Variants in KIF6 observed in about 807,000 individuals in gnomAD.
The protein encoded by KIF6 is kinesin family member 6, also known as kinesin-like protein KIF6.
In KIF6, 106 loss-of-function variants were observed where a neutral mutation model predicts 112.7. That is an observed-to-expected ratio of 0.94 (90% CI 0.80 to 1.11). KIF6 has a LOEUF of 1.11. Among genes scored for constraint, KIF6 ranks in the 50% least tolerant of loss-of-function variants. The pLI, the probability that KIF6 is intolerant of heterozygous loss-of-function variation, is 0.00. For missense variants in KIF6, 929 were observed against 964.0 expected, an observed-to-expected ratio of 0.96 and a Z score of 0.48; for synonymous variants, 339 against 339.9, an observed-to-expected ratio of 1.00 and a Z score of 0.03.
At chr6:39,405,572 G>A (rs534616238) in intron 15 of KIF6, among the ~76,000 whole-genome samples, 1 of 152,246 alleles carries the variant, frequency 6.6e-6, no homozygotes, top group South Asian at 2.1e-4. Context: ...ACTTGGTCAT[G>A]GTATATTAGT....
intron 13 of KIF6, among the ~76,000 whole-genome samples, chr6:39,464,001 A>G (rs956689575): frequency 2.0e-5 from 3 of 152,012 alleles, no homozygotes; most frequent in Non-Finnish European, 4.4e-5. Context: ...GTAGGTGTAC[A>G]TATTTATTAC....
At chr6:39,425,210 A>AT (rs1770677482) in intron 14 of KIF6, among the ~76,000 whole-genome samples, 1 of 152,186 alleles carries the variant, frequency 6.6e-6, no homozygotes, top group African/African-American at 2.4e-5. Flanking sequence ...TGGTGGGCCA[A>AT]TATGTGTTTG....
chr6:39,586,294 A>C lies in KIF6; in HGVS notation c.957T>G (p.Ile319Met). 1 of 1,612,952 alleles carries C rather than the reference A, an allele frequency of 6.2e-7. No individual in the cohort carries two copies. The highest frequency in any genetic ancestry group is 8.5e-7 in the Non-Finnish European group (1 of 1,178,948). ...SLGGNCMTTMIATLSLEKRNL... is the reference protein window; with the variant it reads ...SLGGNCMTTMMATLSLEKRNL... ...TCCTTTTCTCCAAGGAGAGTGTTGC[A>C]ATCATAGTTGTCATGCAGTTCCCTC... The change falls in exon 8 of 23, where the codon ATT becomes ATG. Residue 319 changes from isoleucine (I) to methionine (M), a missense_variant. Physicochemically the swap from Ile to Met is conservative, Grantham distance 10 (BLOSUM62 1). This residue lies in a region of KIF6 where 688 missense variants were observed against 662.7 expected (regional missense o/e 1.04). Coordinates refer to ENST00000287152, the MANE Select transcript of KIF6 (RefSeq NM_145027.6).
chr6:39,400,654 G>A (rs1768630985), intron 15 of KIF6, among the ~76,000 whole-genome samples: 1 of 152,252 alleles, frequency 6.6e-6, no homozygotes, highest in South Asian at 2.1e-4. Context: ...GAGAGGGGAA[G>A]AGGGTTGTGG....
chr6:39,463,826 T>A (rs1773626150), intron 13 of KIF6, among the ~76,000 whole-genome samples: 1 of 152,208 alleles, frequency 6.6e-6, no homozygotes, highest in Non-Finnish European at 1.5e-5. Context: ...TATCTTCTGC[T>A]GGCCTTTCAG....
intron 22 of KIF6, among the ~76,000 whole-genome samples, chr6:39,341,082 G>C (rs762857754): frequency 3.9e-5 from 6 of 152,080 alleles, no homozygotes; most frequent in Non-Finnish European, 8.8e-5. Context: ...ATGTCTTAAA[G>C]CATCCCTCTG....
chr6:39,395,867 A>C (rs796922137), intron 15 of KIF6, among the ~76,000 whole-genome samples: 2 of 152,344 alleles, frequency 1.3e-5, no homozygotes, highest in African/African-American at 4.8e-5. Context: ...AAGCACTGAG[A>C]TGTTTGATTT....
At chr6:39,438,101 C>T (rs1771666475) in intron 13 of KIF6, among the ~76,000 whole-genome samples, 2 of 152,048 alleles carry the variant, frequency 1.3e-5, no homozygotes, top group Non-Finnish European at 2.9e-5. Context: ...TCTCAGCCAC[C>T]CGAGTAACAG....
In KIF6 at chr6:39,343,496, C is replaced by A; in HGVS notation, c.2428+213G>T. 1 of 1,495,492 alleles carries A rather than the reference C, an allele frequency of 6.7e-7. No homozygotes were observed. The highest frequency in any genetic ancestry group is 8.9e-7 in the Non-Finnish European group (1 of 1,121,138). The allele number at this position is 1,495,492 out of a possible 1,614,324, so 92.6% of individuals were successfully genotyped here. ...GACAGGAGCACCTGGGCCGCCCACC[C>A]ACTTGGGCCTGTCTTGGTGTTTCTG... On this transcript the variant is annotated intron_variant, in intron 22 of 22. Transcript: ENST00000287152. The surrounding 1 kb of genome is among the most constrained non-coding windows in gnomAD (Gnocchi z 4.1).
chr6:39,679,614 C>CTTTTTT (rs55936243), intron 3 of KIF6, among the ~76,000 whole-genome samples: 4 of 106,478 alleles, frequency 3.8e-5, no homozygotes, highest in African/African-American at 1.3e-4. Flanking sequence ...CTTTTCTTTT[C>CTTTTTT]TTTTTTTTTT....
chr6:39,682,773 T>C (rs1202498232), intron 3 of KIF6, among the ~76,000 whole-genome samples: 1 of 152,090 alleles, frequency 6.6e-6, no homozygotes, highest in Non-Finnish European at 1.5e-5. Context: ...AGAGATGGGG[T>C]TTCACCATGT....
intron 3 of KIF6, among the ~76,000 whole-genome samples, chr6:39,712,124 A>G (rs757419532): frequency 2.0e-5 from 3 of 152,170 alleles, no homozygotes; most frequent in Non-Finnish European, 4.4e-5. Context: ...GCTCCAAATT[A>G]TGGCGATCAT....
intron 3 of KIF6, among the ~76,000 whole-genome samples, chr6:39,656,667 T>G (rs766582925): frequency 6.6e-6 from 1 of 152,224 alleles, no homozygotes; most frequent in Non-Finnish European, 1.5e-5. Flanking sequence ...GTTCTTCCTG[T>G]GTAGAAGGCC....
At chr6:39,415,375 G>T (rs1045274414) in intron 15 of KIF6, among the ~76,000 whole-genome samples, 1 of 147,672 alleles carries the variant, frequency 6.8e-6, no homozygotes, top group South Asian at 2.2e-4. Flanking sequence ...TGTTAAGAGT[G>T]TAAAAACTGT....
intron 15 of KIF6, among the ~76,000 whole-genome samples, chr6:39,387,830 G>A (rs978086050): frequency 6.6e-6 from 1 of 152,182 alleles, no homozygotes; most frequent in Non-Finnish European, 1.5e-5. Flanking sequence ...GCACATGCAT[G>A]CTCCAAATAA....
In KIF6 at chr6:39,378,393, C is replaced by A. The variant is rs1243270965; in HGVS notation, c.1861+7229G>T. Among the ~76,000 whole-genome samples, 1 of 151,930 alleles carries A rather than the reference C, an allele frequency of 6.6e-6. No homozygotes were observed. Among genetic ancestry groups the A allele is most frequent in the Non-Finnish European group, 1.5e-5 (1 of 67,972 alleles). On this transcript the variant is annotated intron_variant, in intron 16 of 22. Coordinates refer to ENST00000287152, the MANE Select transcript of KIF6 (RefSeq NM_145027.6). This position sits in a 1 kb window ranked among gnomAD's most constrained non-coding sequence, Gnocchi z 5.0. ...ATATACATACAATACATACAACATA[C>A]CCACACTGCACACATACCACATATA...
intron 13 of KIF6, among the ~76,000 whole-genome samples, chr6:39,501,419 T>C (rs1350599811): frequency 6.6e-6 from 1 of 152,168 alleles, no homozygotes; most frequent in Non-Finnish European, 1.5e-5. Flanking sequence ...ACAGTGCCCC[T>C]TTTCCTCCAA....
chr6:39,426,150 T>TATTTG (rs1770747510), intron 14 of KIF6, among the ~76,000 whole-genome samples: 2 of 152,240 alleles, frequency 1.3e-5, no homozygotes, highest in South Asian at 4.1e-4. Flanking sequence ...TGGGCACTGG[T>TATTTG]ATTTGCCAAG....
intron 5 of KIF6, among the ~76,000 whole-genome samples, chr6:39,630,385 A>T (rs530494812): frequency 6.6e-6 from 1 of 152,182 alleles, no homozygotes; most frequent in South Asian, 2.1e-4. Context: ...AGTTTTCCTC[A>T]TATAGATCTT....
Sources: gnomAD v4.1 joint callset for allele counts (sites outside exome capture counted in the v4.1 genomes callset) on GRCh38, gnomAD v4.1.1 for gene constraint, gnomAD v4.1.1 regional missense constraint, Gnocchi (gnomAD v3.1) non-coding constraint, MANE v1.5 for transcripts, NCBI Gene and HGNC (gene_info 2026-07-23, HGNC 2026-07-21) for gene names.